CTNNBL1: variants seen among roughly 807,000 people sequenced by gnomAD.
CTNNBL1 encodes beta-catenin-like protein 1.
Under a neutral mutation model 72.7 loss-of-function variants are expected in CTNNBL1, and 31 were observed. That is an observed-to-expected ratio of 0.43 (90% CI 0.32 to 0.58). The LOEUF (loss-of-function observed/expected upper bound fraction) is 0.58, where lower values mean the gene tolerates loss of function less well. Ranked by LOEUF, CTNNBL1 falls within the 20% of genes least tolerant of loss-of-function variation. CTNNBL1 has a pLI of 0.08. For synonymous variants in CTNNBL1, 240 were observed against 267.3 expected (o/e 0.90, Z 1.00); for missense variants, 534 against 725.1 (o/e 0.74, Z 3.03).
intron 2 of CTNNBL1, among the ~76,000 whole-genome samples, chr20:37,737,163 G>C (rs1471219057): frequency 6.6e-6 from 1 of 152,120 alleles, no homozygotes; most frequent in Non-Finnish European, 1.5e-5. Context: ...GGCAGAGATT[G>C]CAGTGAGCTG....
chr20:37,847,759 G>A (rs754510914), intron 13 of CTNNBL1: 5 of 152,582 alleles, frequency 3.3e-5, no homozygotes, highest in East Asian at 1.9e-4. Flanking sequence ...TACTCAGCAG[G>A]TTTGTTCAAT....
At chr20:37,823,596 A>C (rs2072130572) in intron 11 of CTNNBL1, among the ~76,000 whole-genome samples, 1 of 152,180 alleles carries the variant, frequency 6.6e-6, no homozygotes, top group Non-Finnish European at 1.5e-5. Flanking sequence ...AGATGAAAGC[A>C]GTGAAGAGGT....
chr20:37,797,092 G>A (rs1454695216), intron 10 of CTNNBL1, among the ~76,000 whole-genome samples: 4 of 152,062 alleles, frequency 2.6e-5, no homozygotes, highest in Non-Finnish European at 4.4e-5. Context: ...GCCTGTGGTC[G>A]TATTTATTAT....
intron 15 of CTNNBL1, among the ~76,000 whole-genome samples, chr20:37,863,844 G>A (rs1350280105): frequency 4.6e-5 from 7 of 152,172 alleles, no homozygotes; most frequent in Admixed American, 4.6e-4. Flanking sequence ...CATTGCTCAG[G>A]TTGAAGAGGC....
intron 1 of CTNNBL1, among the ~76,000 whole-genome samples, chr20:37,722,861 A>G (rs1337242255): frequency 2.0e-5 from 3 of 152,338 alleles, no homozygotes; most frequent in Middle Eastern, 3.4e-3. Context: ...ATTGATGTCT[A>G]ATTGTCCCTC....
chr20:37,732,593 A>G (rs931998255), intron 1 of CTNNBL1, among the ~76,000 whole-genome samples: 3 of 152,258 alleles, frequency 2.0e-5, no homozygotes, highest in African/African-American at 7.2e-5. Context: ...ATGACCACAT[A>G]GAGCTTTACC....
At chr20:37,855,905 T>C (rs2072435850) in intron 13 of CTNNBL1, among the ~76,000 whole-genome samples, 1 of 151,808 alleles carries the variant, frequency 6.6e-6, no homozygotes, top group Non-Finnish European at 1.5e-5. Context: ...ACCTCTCCCT[T>C]CTTTTTTTTT....
At chr20:37,701,273 G>A (rs2072839544) in intron 1 of CTNNBL1, among the ~76,000 whole-genome samples, 1 of 152,182 alleles carries the variant, frequency 6.6e-6, no homozygotes, top group Admixed American at 6.5e-5. Context: ...ACAATTGGAT[G>A]TTTAGGTGGT....
intron 13 of CTNNBL1, among the ~76,000 whole-genome samples, chr20:37,845,591 A>G (rs952837097): frequency 7.9e-5 from 12 of 152,214 alleles, no homozygotes; most frequent in Admixed American, 1.3e-4. Context: ...GTTTGCTGCT[A>G]GCACTCAGGC....
chr20:37,782,195 A>G (rs901194943), intron 10 of CTNNBL1, among the ~76,000 whole-genome samples: 1 of 152,202 alleles, frequency 6.6e-6, no homozygotes, highest in African/African-American at 2.4e-5. Flanking sequence ...AAGAAGCTCA[A>G]AGGCTAGTGA....
At position 37,777,478 on chromosome 20, in the gene CTNNBL1, A is replaced by G. The variant is rs369217471; in HGVS notation, c.823+61A>G. ...ATAGGAGCCAGGCTTGTTTCAGATC[A>G]TGACAGCAAGCTCTCTTGCCTTTGG... On this transcript the variant is annotated intron_variant, in intron 8 of 15. Coordinates refer to ENST00000361383, the MANE Select transcript of CTNNBL1 (RefSeq NM_030877.5). 3.0e-4 allele frequency: 460 copies of G among 1,542,250 alleles called. 2 individuals carry two copies. In the African/African-American group the frequency reaches 5.2e-3, roughly 17 times the overall value.
At chr20:37,737,856 C>G (rs1474582134) in intron 3 of CTNNBL1, among the ~76,000 whole-genome samples, 1 of 152,182 alleles carries the variant, frequency 6.6e-6, no homozygotes, top group Admixed American at 6.5e-5. Context: ...AAGCCCATTT[C>G]AGACTCTGAG....
intron 1 of CTNNBL1, among the ~76,000 whole-genome samples, chr20:37,706,733 A>G (rs2072889114): frequency 6.6e-6 from 1 of 152,260 alleles, no homozygotes; most frequent in Non-Finnish European, 1.5e-5. Flanking sequence ...TCTTGATGGC[A>G]TCTAGAATGA....
intron 2 of CTNNBL1, among the ~76,000 whole-genome samples, 161 bp from the exon 3 acceptor site, chr20:37,737,217 C>A (rs543113060): frequency 1.6e-4 from 24 of 152,028 alleles, no homozygotes; most frequent in Non-Finnish European, 2.9e-4. Flanking sequence ...GAGCAAGACT[C>A]CATCTCAAAA....
At chr20:37,801,231 A>G (rs1392735769) in intron 10 of CTNNBL1, among the ~76,000 whole-genome samples, 1 of 152,114 alleles carries the variant, frequency 6.6e-6, no homozygotes. Context: ...TGATCCTTTC[A>G]TATTACTTTG....
chr20:37,822,806 A>G (rs1267150269), intron 11 of CTNNBL1, among the ~76,000 whole-genome samples: 2 of 152,192 alleles, frequency 1.3e-5, no homozygotes, highest in Non-Finnish European at 2.9e-5. Context: ...AGGGGTGGTC[A>G]TGAATATTAA....
chr20:37,768,415 A>G (rs1365541051), intron 7 of CTNNBL1, among the ~76,000 whole-genome samples: 2 of 152,240 alleles, frequency 1.3e-5, no homozygotes, highest in South Asian at 4.1e-4. Flanking sequence ...TTTCACAAAC[A>G]GAATTATGTA....
intron 2 of CTNNBL1, among the ~76,000 whole-genome samples, chr20:37,734,395 C>T (rs1351314526): frequency 6.6e-6 from 1 of 152,204 alleles, no homozygotes; most frequent in Non-Finnish European, 1.5e-5. Context: ...CACATCCTCC[C>T]TCCCTTCCCT....
chr20:37,865,520 G>T (rs972566978), intron 15 of CTNNBL1, among the ~76,000 whole-genome samples: 1 of 152,022 alleles, frequency 6.6e-6, no homozygotes, highest in Non-Finnish European at 1.5e-5. Context: ...CCTCCCCCCA[G>T]CCCCTGGCAG....
Sources: allele counts gnomAD v4.1 joint callset (sites outside exome capture counted in the v4.1 genomes callset), GRCh38; gene constraint gnomAD v4.1.1; transcripts MANE v1.5; gene names NCBI Gene and HGNC (gene_info 2026-07-23, HGNC 2026-07-21).